GRHL3: variants seen among roughly 807,000 people sequenced by gnomAD.
The protein encoded by GRHL3 is grainyhead-like protein 3 homolog.
In GRHL3, 20 loss-of-function variants were observed where a neutral mutation model predicts 70.3. The ratio of observed to expected loss-of-function variants is 0.28; its 90% CI spans 0.20 to 0.41. GRHL3 has a LOEUF of 0.41. Ranked by LOEUF, GRHL3 falls within the 10% of genes least tolerant of loss-of-function variation. The pLI is 1.00. For missense variants in GRHL3, 637 were observed against 762.3 expected, an observed-to-expected ratio of 0.84 and a Z score of 1.94; for synonymous variants, 299 against 299.9, an observed-to-expected ratio of 1.00 and a Z score of 0.03.
At chr1:24,364,120 T>C in intron 15 of GRHL3, 1 of 1,465,874 alleles carries the variant, frequency 6.8e-7, no homozygotes, top group Middle Eastern at 1.8e-4. Context: ...CTGTTCCTTC[T>C]GTGAGAAACA....
At chr1:24,351,162 C>T (rs1466558846) in intron 15 of GRHL3, among the ~76,000 whole-genome samples, 1 of 152,208 alleles carries the variant, frequency 6.6e-6, no homozygotes, top group Non-Finnish European at 1.5e-5. Context: ...TGCTAGTAGC[C>T]CCTTGGAGGT....
rs1348196967 is a variant in GRHL3 at position 24,337,563 on chromosome 1, C to T, written c.687-73C>T. Reference sequence around the variant, plus strand: ...AAGTCTGTAACATAGCCTCAGGCTTCCTGCCCCACTGCCCTCTAGGAGACT... The same window carrying T: ...AAGTCTGTAACATAGCCTCAGGCTTTCTGCCCCACTGCCCTCTAGGAGACT... On this transcript the variant is annotated intron_variant, in intron 5 of 15. Transcript: ENST00000361548. 7.4e-6 allele frequency: 11 copies of T among 1,495,892 alleles called. No individual in the cohort carries two copies. In the East Asian group the frequency reaches 2.5e-4, roughly 34 times the overall value. The allele number at this position is 1,495,892 out of a possible 1,614,324, so 92.7% of individuals were successfully genotyped here.
intron 15 of GRHL3, among the ~76,000 whole-genome samples, chr1:24,350,562 A>C (rs1247940916): frequency 1.3e-5 from 2 of 152,260 alleles, no homozygotes; most frequent in Non-Finnish European, 2.9e-5. Flanking sequence ...TTGACAGATA[A>C]GGAAACTGAG....
downstream of GRHL3, chr1:24,358,055 A>G (rs902919451): frequency 5.4e-6 from 2 of 372,498 alleles, no homozygotes; most frequent in African/African-American, 4.2e-5. Context: ...GACATACCGT[A>G]AGTGAGTGAG....
At chr1:24,343,774 A>G (rs4648975) in intron 11 of GRHL3, among the ~76,000 whole-genome samples, 36,729 of 152,118 alleles carry the variant, frequency 0.24, 5,185 homozygotes, top group East Asian at 0.44. Flanking sequence ...CCTTCCTTTA[A>G]GGGTACAGCT....
intron 1 of GRHL3, among the ~76,000 whole-genome samples, chr1:24,327,408 A>G (rs1209705293): frequency 2.0e-5 from 3 of 152,206 alleles, no homozygotes; most frequent in Non-Finnish European, 2.9e-5. Flanking sequence ...ACTGGCACAT[A>G]GAAGACACTC....
At chr1:24,358,431 C>A (rs1448899509), downstream of GRHL3, 2 of 916,420 alleles carry the variant, frequency 2.2e-6, no homozygotes, top group East Asian at 2.4e-5. Flanking sequence ...AGAGCCACCC[C>A]CCAAGTTGTC....
Position 24,342,582 on chromosome 1 carries a change from G to T in GRHL3, c.1207-112G>T, listed in dbSNP as rs934322697. On this transcript the variant is annotated intron_variant, in intron 9 of 15. Coordinates refer to ENST00000361548, the MANE Select transcript of GRHL3 (RefSeq NM_198173.3). The surrounding 1 kb of genome is among the most constrained non-coding windows in gnomAD (Gnocchi z 4.8). ...CCTTCCCATTTCCTGGTCTTGTTCT[G>T]GAAAAAAGAAGGACCAGAAGCTTGG... 5.7e-6 allele frequency: 6 copies of T among 1,058,932 alleles called. No individual in the cohort carries two copies. The highest frequency in any genetic ancestry group is 8.7e-6 in the Non-Finnish European group (6 of 689,554). 65.6% of individuals were successfully genotyped at this position (1,058,932 alleles called of 1,614,324 possible). A position where few individuals can be genotyped will look rare whatever the true frequency, so the allele number is the denominator to read the frequency against.
chr1:24,323,296 A>G (rs540354186), intron 1 of GRHL3, among the ~76,000 whole-genome samples: 1 of 152,238 alleles, frequency 6.6e-6, no homozygotes, highest in African/African-American at 2.4e-5. Context: ...TAAAAATGCA[A>G]ATTCTCAGCC....
At chr1:24,348,679 C>G (rs1640387382) in intron 14 of GRHL3, among the ~76,000 whole-genome samples, 1 of 152,220 alleles carries the variant, frequency 6.6e-6, no homozygotes, top group Non-Finnish European at 1.5e-5. Flanking sequence ...CCCATGGTGT[C>G]TTTGTCCAAT....
intron 5 of GRHL3, 23 bp downstream of exon 5, chr1:24,337,174 T>A: frequency 6.3e-7 from 1 of 1,576,688 alleles, no homozygotes; most frequent in Non-Finnish European, 8.7e-7. Context: ...CCCTGGACCC[T>A]CAGACACCTG....
chr1:24,344,832 A>G, intron 11 of GRHL3, 65 bp from the exon 12 acceptor site: 2 of 1,592,880 alleles, frequency 1.3e-6, no homozygotes, highest in Non-Finnish European at 1.7e-6. Flanking sequence ...GAGAGCCTCC[A>G]GCAGCCAGGG....
chr1:24,322,781 T>C lies in GRHL3; in HGVS notation c.17+3213T>C, dbSNP rs1317052839. 6.6e-6 allele frequency among the ~76,000 whole-genome samples: 1 copy of C among 152,228 alleles called. No individual in the cohort carries two copies. Among genetic ancestry groups the C allele is most frequent in the African/African-American group, 2.4e-5 (1 of 41,456 alleles). On this transcript the variant is annotated intron_variant, in intron 1 of 15. Transcript: ENST00000361548. The surrounding 1 kb of genome is among the most constrained non-coding windows in gnomAD (Gnocchi z 4.4). Reference sequence around the variant, plus strand: ...GCTTTCTCTTACGTTAGAACAAAAATGACAGCCAACATTTATGGAGCGCTG... The same window carrying C: ...GCTTTCTCTTACGTTAGAACAAAAACGACAGCCAACATTTATGGAGCGCTG...
chr1:24,335,226 G>A (rs1639752842), intron 3 of GRHL3, among the ~76,000 whole-genome samples: 2 of 152,160 alleles, frequency 1.3e-5, no homozygotes, highest in Admixed American at 6.5e-5. Context: ...GACCTGTGTT[G>A]GGGGAGGGAG....
intron 15 of GRHL3, chr1:24,364,135 C>G (rs1200942933): frequency 6.8e-7 from 1 of 1,470,884 alleles, no homozygotes; most frequent in South Asian, 1.4e-5. Flanking sequence ...GAAACACCAA[C>G]TTTCCCTGCA....
intron 1 of GRHL3, among the ~76,000 whole-genome samples, chr1:24,323,666 C>T (rs1639288320): frequency 6.6e-6 from 1 of 152,154 alleles, no homozygotes; most frequent in African/African-American, 2.4e-5. Flanking sequence ...AGGCACAAGG[C>T]CTGACTCTAT....
Position 24,337,079 on chromosome 1 carries a change from C to T in GRHL3, c.614C>T (p.Ser205Leu), listed in dbSNP as rs201073516. The T allele has an allele frequency of 4.3e-4, 700 of 1,613,770 alleles. No homozygotes were observed. Among genetic ancestry groups the T allele is most frequent in the Non-Finnish European group, 5.2e-4 (617 of 1,179,754 alleles). Reference sequence around the variant, plus strand: ...TCTTGGGGCTGTGTTTCTCTGCAGTCGATGCTCTTCCCAGATATCCTGAAA... The same window carrying T: ...TCTTGGGGCTGTGTTTCTCTGCAGTTGATGCTCTTCCCAGATATCCTGAAA... ...DSTFKDDPQE[S>L]MLFPDILKTS... Residue 205 changes from serine to leucine, a missense_variant and splice_region_variant, in exon 5 of 16, where the codon TCG (serine) becomes TTG (leucine). Transcript: ENST00000361548.
intron 7 of GRHL3, among the ~76,000 whole-genome samples, chr1:24,339,199 A>T (rs1045453282): frequency 3.9e-5 from 6 of 152,036 alleles, no homozygotes; most frequent in Admixed American, 6.5e-5. Flanking sequence ...AGGGCACAGG[A>T]ATCCCTTTTC....
At chr1:24,356,315 T>A (rs1431750020), downstream of GRHL3, among the ~76,000 whole-genome samples, 1 of 151,826 alleles carries the variant, frequency 6.6e-6, no homozygotes. Context: ...CGATCTCGAC[T>A]CGCTGCAAGC....
Sources: gnomAD v4.1 joint callset for allele counts (sites outside exome capture counted in the v4.1 genomes callset) on GRCh38, gnomAD v4.1.1 for gene constraint, Gnocchi (gnomAD v3.1) non-coding constraint, MANE v1.5 for transcripts, NCBI Gene and HGNC (gene_info 2026-07-23, HGNC 2026-07-21) for gene names.